BCKDHB: variants seen among roughly 807,000 people sequenced by gnomAD.
BCKDHB encodes branched chain keto acid dehydrogenase E1 subunit beta, also known as 2-oxoisovalerate dehydrogenase subunit beta, mitochondrial.
Under a neutral mutation model 48.5 loss-of-function variants are expected in BCKDHB, and 41 were observed. That is an observed-to-expected ratio of 0.85 (90% CI 0.66 to 1.10). The LOEUF is 1.10. BCKDHB is among the 50% of genes least tolerant of loss of function. The probability of loss-of-function intolerance (pLI) is 0.00; values close to 1 mark genes in which losing one functional copy is unlikely to be tolerated. For missense variants in BCKDHB, 496 were observed against 494.2 expected (o/e 1.00, Z -0.03); for synonymous variants, 201 against 174.8 (o/e 1.15, Z -1.18).
At chr6:80,112,077 T>C (rs756988055) in intron 1 of BCKDHB, among the ~76,000 whole-genome samples, 1 of 152,212 alleles carries the variant, frequency 6.6e-6, no homozygotes, top group East Asian at 1.9e-4. Context: ...CTTAGACTTA[T>C]TTACTTAATT....
At chr6:80,456,521 G>A in the BCKDHB span, among the ~76,000 whole-genome samples, 2,938 of 152,248 alleles carry the variant, frequency 0.019, 81 homozygotes, top group African/African-American at 0.067. Flanking sequence ...TAAAGCATGT[G>A]TAGCACTCCT....
At chr6:80,142,221 A>C (rs72908830) in intron 3 of BCKDHB, among the ~76,000 whole-genome samples, 7,262 of 152,156 alleles carry the variant, frequency 0.048, 255 homozygotes, top group Non-Finnish European at 0.073. Context: ...TTTATTGAGT[A>C]ATAAGTGTTA....
the BCKDHB span, among the ~76,000 whole-genome samples, chr6:80,460,008 A>T: frequency 6.6e-6 from 1 of 152,150 alleles, no homozygotes; most frequent in Admixed American, 6.6e-5. Context: ...ATGTACTTCC[A>T]TAGTTTTTGA....
chr6:80,156,810 T>C (rs1562094439), intron 3 of BCKDHB, among the ~76,000 whole-genome samples: 2 of 152,174 alleles, frequency 1.3e-5, no homozygotes, highest in Admixed American at 6.5e-5. Flanking sequence ...ATTATCAAAC[T>C]CAAAGCTTTG....
chr6:80,374,514 C>T, the BCKDHB span: 1 of 734,656 alleles, frequency 1.4e-6, no homozygotes, highest in African/African-American at 1.7e-5. Context: ...AAGATTGGAA[C>T]CTCTTGATTT....
In BCKDHB at chr6:80,106,693, G is replaced by C; in HGVS notation, c.-1G>C. 2.6e-6 allele frequency: 4 copies of C among 1,555,040 alleles called. No individual in the cohort carries two copies. The highest frequency in any genetic ancestry group is 2.4e-5 in the East Asian group (1 of 41,370). ...CCTGAGAATCCCGGTGGTGAGCGGG[G>C]ATGGCGGTTGTAGCGGCGGCTGCCG... is the stretch of plus-strand genomic sequence containing the variant. On this transcript the variant is annotated 5_prime_UTR_variant, in exon 1 of 10. Coordinates refer to ENST00000320393, the MANE Select transcript of BCKDHB (RefSeq NM_183050.4).
At chr6:80,376,928 T>C in the BCKDHB span, among the ~76,000 whole-genome samples, 1 of 152,226 alleles carries the variant, frequency 6.6e-6, no homozygotes, top group Admixed American at 6.5e-5. Flanking sequence ...TAGTTCTTTG[T>C]ATATTCTAGA....
chr6:80,322,824 C>T (rs1339278084), intron 9 of BCKDHB, among the ~76,000 whole-genome samples: 1 of 150,754 alleles, frequency 6.6e-6, no homozygotes, highest in Non-Finnish European at 1.5e-5. Flanking sequence ...GCATTCTGTT[C>T]TTGCTGTTTT....
At chr6:80,458,150 G>A in the BCKDHB span, among the ~76,000 whole-genome samples, 1 of 152,174 alleles carries the variant, frequency 6.6e-6, no homozygotes, top group African/African-American at 2.4e-5. Context: ...TTGTAGAAAA[G>A]CCAGGAGTGT....
chr6:80,282,341 G>A (rs909000920), intron 9 of BCKDHB, among the ~76,000 whole-genome samples: 1 of 152,068 alleles, frequency 6.6e-6, no homozygotes, highest in African/African-American at 2.4e-5. Context: ...ATTGATTCAC[G>A]TTTCCAGGAT....
chr6:80,158,382 A>G (rs540443086), intron 3 of BCKDHB, among the ~76,000 whole-genome samples: 1 of 152,310 alleles, frequency 6.6e-6, no homozygotes, highest in African/African-American at 2.4e-5. Context: ...AATCTGTAGG[A>G]CAAGGTTCAC....
chr6:80,412,155 T>TTC, the BCKDHB span, among the ~76,000 whole-genome samples: 2 of 151,606 alleles, frequency 1.3e-5, no homozygotes, highest in African/African-American at 2.4e-5. Context: ...CATTTTTTTT[T>TTC]TTTTTTTTTA....
chr6:80,281,144 T>C (rs1040191122), intron 9 of BCKDHB, among the ~76,000 whole-genome samples: 5 of 151,994 alleles, frequency 3.3e-5, no homozygotes, highest in East Asian at 1.9e-4. Flanking sequence ...AGGAAATGGG[T>C]AAGGATTCAT....
intron 9 of BCKDHB, among the ~76,000 whole-genome samples, chr6:80,341,834 C>T (rs774289523): frequency 1.1e-4 from 16 of 152,166 alleles, no homozygotes; most frequent in Admixed American, 2.6e-4. Context: ...GTAATAAAAC[C>T]GACTTAATCC....
intron 1 of BCKDHB, 93 bp from the exon 2 acceptor site, chr6:80,127,454 T>C: frequency 1.0e-6 from 1 of 1,004,116 alleles, no homozygotes; most frequent in East Asian, 2.4e-5. Context: ...CTTTGTACCT[T>C]GATTTTAGTC....
intron 6 of BCKDHB, among the ~76,000 whole-genome samples, chr6:80,186,975 T>A (rs1294303594): frequency 6.6e-6 from 1 of 152,134 alleles, no homozygotes; most frequent in African/African-American, 2.4e-5. Context: ...TCTCATGGAG[T>A]TTGCAGTGTC....
intron 3 of BCKDHB, among the ~76,000 whole-genome samples, chr6:80,141,272 TAAA>T (rs1186841590): frequency 6.6e-6 from 1 of 152,154 alleles, no homozygotes; most frequent in Admixed American, 6.6e-5. Context: ...ATTCATTAAT[TAAA>T]AACCCTTCAA....
the BCKDHB span, among the ~76,000 whole-genome samples, chr6:80,352,011 G>T: frequency 1.3e-5 from 2 of 151,866 alleles, no homozygotes; most frequent in Non-Finnish European, 2.9e-5. Flanking sequence ...AGTAGAGACG[G>T]GGTTTCTCCA....
the BCKDHB span, among the ~76,000 whole-genome samples, chr6:80,407,923 G>A: frequency 6.6e-6 from 1 of 152,138 alleles, no homozygotes; most frequent in African/African-American, 2.4e-5. Flanking sequence ...GGGCATCCTT[G>A]TCTTGTGCCA....
Sources: allele counts gnomAD v4.1 joint callset (sites outside exome capture counted in the v4.1 genomes callset), GRCh38; gene constraint gnomAD v4.1.1; transcripts MANE v1.5; gene names NCBI Gene and HGNC (gene_info 2026-07-23, HGNC 2026-07-21).